IQCM: variants seen among roughly 807,000 people sequenced by gnomAD.
IQCM encodes the protein IQ motif containing M, also known as IQ domain-containing protein M.
A neutral mutation model predicts 57.6 loss-of-function variants in IQCM; 45 were observed. The ratio of observed to expected loss-of-function variants is 0.78; its 90% CI spans 0.62 to 1.00. The LOEUF is 1.00. Among genes scored for constraint, IQCM ranks in the 50% least tolerant of loss-of-function variants. The pLI is 0.00. For synonymous variants in IQCM, 148 were observed against 158.9 expected (o/e 0.93, Z 0.51); for missense variants, 468 against 511.6 (o/e 0.91, Z 0.82).
intron 13 of IQCM, among the ~76,000 whole-genome samples, chr4:149,399,622 A>G (rs573114474): frequency 6.6e-5 from 10 of 152,094 alleles, no homozygotes; most frequent in Non-Finnish European, 8.8e-5. Context: ...CCTGTTCTTC[A>G]AAAATGGGCA....
At chr4:149,610,236 A>T (rs566010656) in intron 8 of IQCM, among the ~76,000 whole-genome samples, 20 of 152,152 alleles carry the variant, frequency 1.3e-4, no homozygotes, top group African/African-American at 4.8e-4. Context: ...GAGGACAAAA[A>T]AATGGAAGGG....
chr4:149,483,683 C>T (rs72955446), intron 12 of IQCM, among the ~76,000 whole-genome samples: 3,518 of 152,002 alleles, frequency 0.023, 146 homozygotes, highest in African/African-American at 0.079. Flanking sequence ...TGTTTTGTGA[C>T]GTAACATATG....
chr4:149,648,205 G>A (rs1288610104), intron 7 of IQCM, among the ~76,000 whole-genome samples: 1 of 152,064 alleles, frequency 6.6e-6, no homozygotes, highest in Admixed American at 6.6e-5. Flanking sequence ...GATTGAAGCT[G>A]TTATAATTGT....
chr4:149,669,195 C>T (rs1036783614), intron 7 of IQCM, among the ~76,000 whole-genome samples: 6 of 152,076 alleles, frequency 3.9e-5, no homozygotes, highest in South Asian at 2.1e-4. Context: ...GATGGTATCT[C>T]GTTGTGGTTT....
chr4:149,408,751 T>A (rs1254734195), intron 13 of IQCM, among the ~76,000 whole-genome samples: 1 of 152,198 alleles, frequency 6.6e-6, no homozygotes, highest in East Asian at 1.9e-4. Context: ...CTTTTTCTTT[T>A]TTTAGATAAT....
intron 12 of IQCM, among the ~76,000 whole-genome samples, chr4:149,523,281 A>G (rs1440964670): frequency 1.3e-5 from 2 of 152,138 alleles, no homozygotes; most frequent in African/African-American, 4.8e-5. Flanking sequence ...ACAGCATACA[A>G]ATTTTGGGGA....
At chr4:149,593,241 G>A (rs572014868) in intron 8 of IQCM, among the ~76,000 whole-genome samples, 9 of 152,158 alleles carry the variant, frequency 5.9e-5, no homozygotes, top group Admixed American at 6.5e-5. Flanking sequence ...GTTCACTCAC[G>A]ATTTGGCTCT....
intron 8 of IQCM, among the ~76,000 whole-genome samples, chr4:149,618,669 G>A (rs1172567132): frequency 6.6e-6 from 1 of 152,040 alleles, no homozygotes; most frequent in East Asian, 1.9e-4. Context: ...TAAAAAGTGG[G>A]CAAAGGACAT....
intron 13 of IQCM, among the ~76,000 whole-genome samples, chr4:149,368,656 TCTTTTTTTGAGGCTTTAAGGGGA>T: frequency 6.7e-6 from 1 of 149,838 alleles, no homozygotes; most frequent in Non-Finnish European, 1.5e-5. Flanking sequence ...TCATCATATT[TCTTTTTTTGAGGCTTTAAGGGGA>T]ATGATTGGAA....
intron 12 of IQCM, among the ~76,000 whole-genome samples, chr4:149,479,781 G>A (rs1350165736): frequency 2.0e-5 from 3 of 152,136 alleles, no homozygotes; most frequent in Non-Finnish European, 4.4e-5. Context: ...TCCAACCAGG[G>A]ACAGCCTGGT....
chr4:149,543,693 T>G (rs1322742204), intron 12 of IQCM, among the ~76,000 whole-genome samples: 3 of 151,888 alleles, frequency 2.0e-5, no homozygotes, highest in Admixed American at 1.3e-4. Flanking sequence ...GTAACTAACC[T>G]GCACATTGTG....
intron 7 of IQCM, among the ~76,000 whole-genome samples, chr4:149,651,893 C>T (rs533558342): frequency 4.6e-4 from 70 of 152,150 alleles, no homozygotes; most frequent in African/African-American, 1.4e-3. Context: ...GACAGTGTGG[C>T]GATTTCTCGA....
chr4:149,770,511 C>T (rs1389317325), intron 2 of IQCM, among the ~76,000 whole-genome samples: 1 of 152,042 alleles, frequency 6.6e-6, no homozygotes, highest in Non-Finnish European at 1.5e-5. Flanking sequence ...TGGACGATAT[C>T]CTTTATGAAC....
intron 12 of IQCM, among the ~76,000 whole-genome samples, chr4:149,442,074 T>C (rs1735998212): frequency 6.6e-6 from 1 of 152,142 alleles, no homozygotes; most frequent in African/African-American, 2.4e-5. Flanking sequence ...GGTATTCTGT[T>C]ATAGCAGCAC....
chr4:149,814,709 C>A (rs1774894522), intron 2 of IQCM, among the ~76,000 whole-genome samples: 1 of 151,886 alleles, frequency 6.6e-6, no homozygotes, highest in Admixed American at 6.6e-5. Context: ...AGATTAATTT[C>A]TCTGAATAAT....
chr4:149,429,480 G>T (rs574919830), intron 13 of IQCM, among the ~76,000 whole-genome samples: 1 of 151,852 alleles, frequency 6.6e-6, no homozygotes, highest in South Asian at 2.1e-4. Context: ...AGGAAATATG[G>T]GATATAAAAA....
At chr4:149,636,309 A>G (rs1353016979) in intron 7 of IQCM, among the ~76,000 whole-genome samples, 6 of 152,200 alleles carry the variant, frequency 3.9e-5, no homozygotes, top group Non-Finnish European at 5.9e-5. Context: ...TTAAAGGCCA[A>G]TTGTGACCCA....
At chr4:149,716,053 G>A (rs1421934761) in intron 5 of IQCM, among the ~76,000 whole-genome samples, 4 of 152,286 alleles carry the variant, frequency 2.6e-5, no homozygotes, top group East Asian at 1.9e-4. Flanking sequence ...CAGGCTTCAG[G>A]CCATCCCCAG....
At chr4:149,815,198 G>A (rs1774937822) in intron 2 of IQCM, 113 bp downstream of exon 2, 1 of 151,736 alleles carries the variant, frequency 6.6e-6, no homozygotes, top group African/African-American at 2.4e-5. Context: ...CTACATGGGG[G>A]GTATAGTTTA....
Sources: allele counts gnomAD v4.1 joint callset (sites outside exome capture counted in the v4.1 genomes callset), GRCh38; gene constraint gnomAD v4.1.1; transcripts MANE v1.5; gene names NCBI Gene and HGNC (gene_info 2026-07-23, HGNC 2026-07-21).